Variants in TEAD1 observed in about 807,000 individuals in gnomAD.
TEAD1 encodes TEA domain transcription factor 1.
TEAD1 carries 9 observed loss-of-function variants against 54.9 expected under a neutral mutation model. The observed-to-expected ratio is 0.16, with a 90% CI of 0.10 to 0.29. TEAD1 has a LOEUF of 0.29. Among genes scored for constraint, TEAD1 ranks in the 10% least tolerant of loss-of-function variants. TEAD1 has a pLI of 1.00. For synonymous variants in TEAD1, 200 were observed against 187.8 expected (o/e 1.07, Z -0.53); for missense variants, 387 against 535.9 (o/e 0.72, Z 2.74).
chr11:12,886,241 T>C (rs1262297918), intron 9 of TEAD1, among the ~76,000 whole-genome samples: 1 of 152,198 alleles, frequency 6.6e-6, no homozygotes, highest in African/African-American at 2.4e-5. Flanking sequence ...CAGAGATAAG[T>C]GTTTCAGGTA....
At chr11:12,744,183 C>T (rs1177097684) in intron 2 of TEAD1, among the ~76,000 whole-genome samples, 1 of 152,126 alleles carries the variant, frequency 6.6e-6, no homozygotes, top group African/African-American at 2.4e-5. Context: ...GAGACATGTC[C>T]TTTTTTTCAG....
intron 3 of TEAD1, chr11:12,851,135 AG>A: frequency 1.0e-6 from 1 of 957,662 alleles, no homozygotes; most frequent in Non-Finnish European, 1.2e-6. Context: ...AGACACGGAA[AG>A]AAAAAAACTA....
At chr11:12,881,201 C>A in intron 7 of TEAD1, 150 bp downstream of exon 7, 1 of 859,080 alleles carries the variant, frequency 1.2e-6, no homozygotes. Flanking sequence ...TTATTGTGTA[C>A]TTAGGCCCCT....
At chr11:12,893,796 G>A (rs1164915710) in intron 9 of TEAD1, among the ~76,000 whole-genome samples, 2 of 152,218 alleles carry the variant, frequency 1.3e-5, no homozygotes, top group Non-Finnish European at 2.9e-5. Context: ...GGCATGGGAT[G>A]AAGTGGCATA....
chr11:12,879,650 A>G (rs1362863883), intron 5 of TEAD1, 58 bp from the exon 6 acceptor site: 10 of 1,612,436 alleles, frequency 6.2e-6, no homozygotes, highest in Non-Finnish European at 8.5e-6. Context: ...GTGCCTGTGT[A>G]ACCTGCCTGG....
chr11:12,696,606 C>T lies in TEAD1; in HGVS notation c.-55+21045C>T, dbSNP rs186140188. ...TCTGATTCAGGGGTCTTCAGATGGACGCCTTGGCCTTATAATGAACTCGTA... is the reference window on the plus strand; with the variant it reads ...TCTGATTCAGGGGTCTTCAGATGGATGCCTTGGCCTTATAATGAACTCGTA... On this transcript the variant is annotated intron_variant, in intron 2 of 12. Coordinates refer to ENST00000527636, the MANE Select transcript of TEAD1 (RefSeq NM_021961.6). Among the ~76,000 whole-genome samples, 224 of 152,260 alleles carry T rather than the reference C, an allele frequency of 1.5e-3. 2 individuals are homozygous for T. The highest frequency in any genetic ancestry group is 5.1e-3 in the African/African-American group (210 of 41,534).
chr11:12,856,068 C>T (rs1007820084), intron 3 of TEAD1, among the ~76,000 whole-genome samples: 27 of 151,712 alleles, frequency 1.8e-4, no homozygotes, highest in Admixed American at 3.9e-4. Flanking sequence ...GTGCTGATGC[C>T]GGCATGGGGT....
At chr11:12,893,822 C>T (rs1948250932) in intron 9 of TEAD1, among the ~76,000 whole-genome samples, 1 of 152,172 alleles carries the variant, frequency 6.6e-6, no homozygotes. Flanking sequence ...GCCAAGTGGC[C>T]AGAACAGGGC....
chr11:12,704,777 TG>T (rs1282416265), intron 2 of TEAD1, among the ~76,000 whole-genome samples: 1 of 152,236 alleles, frequency 6.6e-6, no homozygotes, highest in Non-Finnish European at 1.5e-5. Flanking sequence ...TGGGATGGGA[TG>T]ATAATAGCTA....
intron 2 of TEAD1, among the ~76,000 whole-genome samples, chr11:12,754,570 T>A (rs147178590): frequency 2.2e-4 from 33 of 152,252 alleles, no homozygotes; most frequent in African/African-American, 7.5e-4. Context: ...TGATGAATTG[T>A]GGTTTTGGTT....
chr11:12,931,129 G>T (rs759062779), intron 12 of TEAD1, among the ~76,000 whole-genome samples: 1 of 152,158 alleles, frequency 6.6e-6, no homozygotes, highest in Non-Finnish European at 1.5e-5. Context: ...AACTTAATGG[G>T]CAGCTAAAGG....
At chr11:12,700,332 C>T (rs1564911198) in intron 2 of TEAD1, among the ~76,000 whole-genome samples, 1 of 152,108 alleles carries the variant, frequency 6.6e-6, no homozygotes, top group Non-Finnish European at 1.5e-5. Context: ...GATAAATTAG[C>T]ATCATCCATT....
intron 12 of TEAD1, 113 bp from the exon 13 acceptor site, chr11:12,936,996 A>C (rs979940307): frequency 1.8e-5 from 13 of 735,766 alleles, no homozygotes; most frequent in African/African-American, 1.8e-4. Flanking sequence ...AGGCTGAGCA[A>C]ATCTCTCTTG....
intron 3 of TEAD1, among the ~76,000 whole-genome samples, chr11:12,823,163 C>T (rs542950082): frequency 6.6e-6 from 1 of 152,328 alleles, no homozygotes; most frequent in South Asian, 2.1e-4. Context: ...ATCAGGCTAT[C>T]CCCCTCAGCT....
At chr11:12,837,548 G>A (rs756135371) in intron 3 of TEAD1, among the ~76,000 whole-genome samples, 7 of 152,134 alleles carry the variant, frequency 4.6e-5, no homozygotes, top group Non-Finnish European at 8.8e-5. Context: ...GGTATTAACA[G>A]GTTTAGTTAC....
At chr11:12,835,142 G>A (rs959726199) in intron 3 of TEAD1, among the ~76,000 whole-genome samples, 1 of 152,162 alleles carries the variant, frequency 6.6e-6, no homozygotes, top group African/African-American at 2.4e-5. Context: ...CCGGCAGTGA[G>A]TATGTGTAAT....
chr11:12,843,045 A>T lies in TEAD1; in HGVS notation c.203-19205A>T, dbSNP rs576271789. ...GGAAGTTGCTTCCAGGAAAAAAAAAATTTTTTTTCTAGCTAATTGTTTATC... is the reference window on the plus strand; with the variant it reads ...GGAAGTTGCTTCCAGGAAAAAAAAATTTTTTTTTCTAGCTAATTGTTTATC... On this transcript the variant is annotated intron_variant, in intron 3 of 12. Coordinates refer to ENST00000527636, the MANE Select transcript of TEAD1 (RefSeq NM_021961.6). 9.9e-3 allele frequency among the ~76,000 whole-genome samples: 1,509 copies of T among 151,990 alleles called. 21 individuals are homozygous for T. Among genetic ancestry groups the T allele is most frequent in the African/African-American group, 0.034 (1,402 of 41,432 alleles).
intron 2 of TEAD1, among the ~76,000 whole-genome samples, chr11:12,716,333 C>T (rs994431915): frequency 2.8e-5 from 4 of 144,432 alleles, no homozygotes; most frequent in Admixed American, 2.0e-4. Flanking sequence ...CCTAGGAGTT[C>T]ACGGGGGGGT....
intron 3 of TEAD1, among the ~76,000 whole-genome samples, chr11:12,849,962 C>G (rs1469070096): frequency 6.6e-6 from 1 of 152,086 alleles, no homozygotes; most frequent in Admixed American, 6.5e-5. Flanking sequence ...GAAGAAGATA[C>G]AAAGATTGGA....
Sources: allele counts gnomAD v4.1 joint callset (sites outside exome capture counted in the v4.1 genomes callset), GRCh38; gene constraint gnomAD v4.1.1; transcripts MANE v1.5; gene names NCBI Gene and HGNC (gene_info 2026-07-23, HGNC 2026-07-21).